The following NREP variants were observed in gnomAD, a reference collection of about 807,000 sequenced individuals.
NREP encodes neuronal regeneration-related protein.
A neutral mutation model predicts 8.6 loss-of-function variants in NREP; 5 were observed. That is an observed-to-expected ratio of 0.58 (90% CI 0.30 to 1.22). NREP has a LOEUF of 1.22. Among genes scored for constraint, NREP ranks in the 50% most tolerant of loss-of-function variants. The pLI, the probability that NREP is intolerant of heterozygous loss-of-function variation, is 0.07. For synonymous variants in NREP, 27 were observed against 28.0 expected, an observed-to-expected ratio of 0.96 and a Z score of 0.11; for missense variants, 86 against 82.5, an observed-to-expected ratio of 1.04 and a Z score of -0.17.
At chr5:111,937,966 G>A (rs1222252768) in intron 2 of NREP, among the ~76,000 whole-genome samples, 2 of 152,012 alleles carry the variant, frequency 1.3e-5, no homozygotes, top group African/African-American at 2.4e-5. Flanking sequence ...TTGTGCTGAC[G>A]TTTGCACCCA....
chr5:111,828,108 G>A (rs1253122293), intron 2 of NREP, among the ~76,000 whole-genome samples: 3 of 151,370 alleles, frequency 2.0e-5, no homozygotes, highest in African/African-American at 4.9e-5. Flanking sequence ...TCGGCTCACC[G>A]CAACCTCCAG....
At chr5:111,838,669 A>C (rs950039304) in intron 2 of NREP, among the ~76,000 whole-genome samples, 10 of 152,034 alleles carry the variant, frequency 6.6e-5, no homozygotes, top group African/African-American at 2.4e-4. Flanking sequence ...GCCAGTCCCC[A>C]CAATTTTATA....
chr5:111,758,241 TCA>T, upstream of NREP: 1 of 985,524 alleles, frequency 1.0e-6, no homozygotes. Flanking sequence ...GTGCACACAG[TCA>T]CACGCGCACA....
At chr5:111,966,878 G>C (rs1454388987) in intron 2 of NREP, among the ~76,000 whole-genome samples, 1 of 152,152 alleles carries the variant, frequency 6.6e-6, no homozygotes, top group Non-Finnish European at 1.5e-5. Flanking sequence ...GTAGTTCAAT[G>C]AACAGAAAAT....
At chr5:111,950,874 T>C (rs1285223025) in intron 2 of NREP, among the ~76,000 whole-genome samples, 1 of 152,074 alleles carries the variant, frequency 6.6e-6, no homozygotes, top group Non-Finnish European at 1.5e-5. Flanking sequence ...GGAAATAGTA[T>C]GAGTACTGCT....
At chr5:111,762,522 G>T (rs1014960586), upstream of NREP, among the ~76,000 whole-genome samples, 7 of 151,348 alleles carry the variant, frequency 4.6e-5, no homozygotes, top group African/African-American at 1.5e-4. Flanking sequence ...GACTGTATTT[G>T]GAGATAGGGT....
chr5:111,865,002 C>T (rs1385461796), intron 2 of NREP, among the ~76,000 whole-genome samples: 1 of 152,082 alleles, frequency 6.6e-6, no homozygotes, highest in East Asian at 1.9e-4. Flanking sequence ...GTGTGAAATT[C>T]TGTCTATTAT....
rs972562944 is a variant in NREP, at chr5:111,729,536, G to A, written c.*1385C>T. ...AAGGAGGGAGAGGAGTAATGCACAA[G>A]AAACTCAGGCCAATGGGGGAGCAAG... is the stretch of plus-strand genomic sequence containing the variant. On this transcript the variant is annotated 3_prime_UTR_variant, in exon 4 of 4. Coordinates refer to ENST00000257435, the MANE Select transcript of NREP (RefSeq NM_004772.4). 19 of 152,672 alleles carry A rather than the reference G, an allele frequency of 1.2e-4. No homozygotes were observed. Among genetic ancestry groups the A allele is most frequent in the African/African-American group, 4.3e-4 (18 of 41,460 alleles). The allele number at this position is 152,672 out of a possible 1,614,324, so 9.5% of individuals were successfully genotyped here.
intron 2 of NREP, among the ~76,000 whole-genome samples, chr5:111,862,669 T>C (rs1042074976): frequency 7.2e-5 from 11 of 152,038 alleles, no homozygotes; most frequent in African/African-American, 2.7e-4. Context: ...ACGTAACTCT[T>C]GTACAAAGTC....
intron 2 of NREP, among the ~76,000 whole-genome samples, chr5:111,752,986 T>C (rs1425272102): frequency 1.3e-5 from 2 of 152,008 alleles, no homozygotes; most frequent in Admixed American, 6.6e-5. Context: ...AATACAATCA[T>C]AGCAATTAAA....
intron 2 of NREP, among the ~76,000 whole-genome samples, chr5:111,795,471 C>G (rs930160952): frequency 6.6e-6 from 1 of 152,184 alleles, no homozygotes; most frequent in African/African-American, 2.4e-5. Flanking sequence ...AAGTTTTCCA[C>G]AGTTGCTTGA....
Position 111,800,877 on chromosome 5 carries a change from G to A in NREP, c.136-65370C>T, listed in dbSNP as rs1192972890. 3.3e-5 allele frequency among the ~76,000 whole-genome samples: 5 copies of A among 152,242 alleles called. No individual in the cohort carries two copies. The South Asian group carries it at 8.3e-4, about 25-fold the overall frequency. On this transcript the variant is annotated intron_variant, in intron 2 of 3. Transcript: ENST00000395634. ...ATGTTCTCAAGATAAACAATAATTA[G>A]TCCTCAAGTAAGAGGACTTGACAGC...
intron 2 of NREP, among the ~76,000 whole-genome samples, chr5:111,851,116 C>T (rs974138151): frequency 6.6e-6 from 1 of 152,166 alleles, no homozygotes; most frequent in African/African-American, 2.4e-5. Context: ...GATATAGTTT[C>T]TTCTGCCTCA....
intron 2 of NREP, among the ~76,000 whole-genome samples, chr5:111,744,140 T>C (rs1357887470): frequency 6.6e-6 from 1 of 152,126 alleles, no homozygotes; most frequent in East Asian, 1.9e-4. Context: ...GTCTGCATTT[T>C]CCCCCGAAGT....
intron 2 of NREP, among the ~76,000 whole-genome samples, chr5:111,920,588 G>A (rs1052434593): frequency 6.6e-6 from 1 of 152,114 alleles, no homozygotes; most frequent in Non-Finnish European, 1.5e-5. Flanking sequence ...GCAGTGAGGG[G>A]TCCCAGAAAG....
chr5:111,784,776 A>G (rs914190556), intron 2 of NREP, among the ~76,000 whole-genome samples: 2 of 152,164 alleles, frequency 1.3e-5, no homozygotes, highest in African/African-American at 4.8e-5. Flanking sequence ...AGTTTGAGAG[A>G]TTTTAGGAAT....
At chr5:111,771,092 C>A (rs1751208044) in intron 2 of NREP, among the ~76,000 whole-genome samples, 2 of 152,026 alleles carry the variant, frequency 1.3e-5, no homozygotes, top group South Asian at 4.1e-4. Context: ...TTTTTTCCTA[C>A]AACTATTAGG....
At chr5:111,973,829 G>T (rs2112676491) in intron 2 of NREP, among the ~76,000 whole-genome samples, 1 of 152,282 alleles carries the variant, frequency 6.6e-6, no homozygotes, top group South Asian at 2.1e-4. Context: ...GGCATATTTA[G>T]AAACATTGAA....
At chr5:111,906,263 A>G (rs929017203) in intron 2 of NREP, among the ~76,000 whole-genome samples, 6 of 152,060 alleles carry the variant, frequency 3.9e-5, no homozygotes, top group Non-Finnish European at 8.8e-5. Flanking sequence ...TGTGTTTCTT[A>G]TTGTATTCTA....
Sources: gnomAD v4.1 joint callset for allele counts (sites outside exome capture counted in the v4.1 genomes callset) on GRCh38, gnomAD v4.1.1 for gene constraint, MANE v1.5 for transcripts, NCBI Gene and HGNC (gene_info 2026-07-23, HGNC 2026-07-21) for gene names.